The following ADCY2 variants were observed in gnomAD, a reference collection of about 807,000 sequenced individuals.
ADCY2 encodes the protein adenylate cyclase type 2.
ADCY2 carries 31 observed loss-of-function variants against 125.2 expected under a neutral mutation model. That is an observed-to-expected ratio of 0.25 (90% confidence interval 0.19 to 0.33). The LOEUF (loss-of-function observed/expected upper bound fraction) is 0.33. Ranked by LOEUF, ADCY2 falls within the 10% of genes least tolerant of loss-of-function variation. The probability of loss-of-function intolerance (pLI) is 1.00; values close to 1 mark genes in which losing one functional copy is unlikely to be tolerated. For missense variants in ADCY2, 904 were observed against 1,418.2 expected (o/e 0.64, Z 5.82); for synonymous variants, 512 against 548.4 (o/e 0.93, Z 0.93).
chr5:7,703,772 G>T (rs1741168067), intron 7 of ADCY2, among the ~76,000 whole-genome samples: 1 of 152,064 alleles, frequency 6.6e-6, no homozygotes, highest in Non-Finnish European at 1.5e-5. Context: ...AAAGTCATTG[G>T]TCGCTTGATG....
At chr5:7,422,055 T>C (rs1231987788) in intron 2 of ADCY2, among the ~76,000 whole-genome samples, 1 of 152,222 alleles carries the variant, frequency 6.6e-6, no homozygotes, top group Non-Finnish European at 1.5e-5. Flanking sequence ...TGGAAGTGTT[T>C]CTTGTTGGTT....
chr5:7,453,865 G>T (rs945452554), intron 2 of ADCY2, among the ~76,000 whole-genome samples: 17 of 152,102 alleles, frequency 1.1e-4, no homozygotes, highest in Admixed American at 3.3e-4. Context: ...TCAGCTGAAT[G>T]TTCCTAGGAG....
chr5:7,614,281 G>A (rs1737676087), intron 3 of ADCY2, among the ~76,000 whole-genome samples: 1 of 152,098 alleles, frequency 6.6e-6, no homozygotes, highest in African/African-American at 2.4e-5. Flanking sequence ...CTACGACTAA[G>A]AACCTCCATC....
intron 22 of ADCY2, among the ~76,000 whole-genome samples, chr5:7,811,941 C>G (rs1744955337): frequency 6.6e-6 from 1 of 152,222 alleles, no homozygotes; most frequent in Admixed American, 6.5e-5. Flanking sequence ...TCTCTACTGA[C>G]TGAGCCAAGT....
intron 2 of ADCY2, among the ~76,000 whole-genome samples, chr5:7,467,084 C>T (rs1306855909): frequency 3.9e-5 from 6 of 152,184 alleles, no homozygotes; most frequent in Non-Finnish European, 5.9e-5. Flanking sequence ...AGTGGACAAG[C>T]ACCTGCCCTT....
intron 1 of ADCY2, among the ~76,000 whole-genome samples, chr5:7,412,139 G>A (rs935600593): frequency 6.6e-5 from 10 of 151,582 alleles, no homozygotes; most frequent in Non-Finnish European, 1.3e-4. Context: ...CTGCTTCCTG[G>A]AAGGACTATA....
At chr5:7,416,881 G>T (rs1306214006) in intron 2 of ADCY2, among the ~76,000 whole-genome samples, 1 of 152,118 alleles carries the variant, frequency 6.6e-6, no homozygotes, top group Non-Finnish European at 1.5e-5. Context: ...TAAAGTTACA[G>T]GTTTCTAGGA....
intron 4 of ADCY2, among the ~76,000 whole-genome samples, chr5:7,639,094 T>A (rs773011591): frequency 3.3e-5 from 5 of 152,192 alleles, no homozygotes; most frequent in Non-Finnish European, 5.9e-5. Flanking sequence ...CTCTTTCTTT[T>A]GTGAATTGCC....
intron 2 of ADCY2, among the ~76,000 whole-genome samples, chr5:7,465,148 T>A (rs545606930): frequency 2.0e-5 from 3 of 152,280 alleles, no homozygotes; most frequent in Non-Finnish European, 2.9e-5. Context: ...CACGTGGGAA[T>A]TATGGGAGCT....
At chr5:7,716,124 A>G (rs1180454895) in intron 11 of ADCY2, among the ~76,000 whole-genome samples, 4 of 152,192 alleles carry the variant, frequency 2.6e-5, no homozygotes, top group Non-Finnish European at 5.9e-5. Context: ...ATTTGGCACA[A>G]TTTATTCAGC....
chr5:7,592,035 C>T (rs1254101028), intron 3 of ADCY2, among the ~76,000 whole-genome samples: 3 of 152,256 alleles, frequency 2.0e-5, no homozygotes, highest in East Asian at 1.9e-4. Context: ...GTATATTTAT[C>T]CAAGCTTGCC....
intron 2 of ADCY2, among the ~76,000 whole-genome samples, chr5:7,434,864 G>A (rs1426925430): frequency 6.6e-6 from 1 of 152,322 alleles, no homozygotes; most frequent in East Asian, 1.9e-4. Flanking sequence ...TGGGAGGCCT[G>A]CATGGGTCCA....
chr5:7,732,231 C>T (rs1054614927), intron 14 of ADCY2, among the ~76,000 whole-genome samples: 7 of 152,166 alleles, frequency 4.6e-5, no homozygotes, highest in African/African-American at 1.7e-4. Context: ...GATTGGTGAT[C>T]CCAATTTTCA....
At chr5:7,741,491 T>C (rs2126427367) in intron 14 of ADCY2, among the ~76,000 whole-genome samples, 1 of 143,402 alleles carries the variant, frequency 7.0e-6, no homozygotes, top group South Asian at 2.3e-4. Context: ...GATTTTAGGA[T>C]GTAGCATCAC....
intron 13 of ADCY2, among the ~76,000 whole-genome samples, chr5:7,726,323 T>C (rs1435356900): frequency 6.6e-6 from 1 of 152,198 alleles, no homozygotes; most frequent in East Asian, 1.9e-4. Context: ...ATCTCACTGA[T>C]TGTAGTCAAT....
At chr5:7,817,022 G>A (rs373268065) in intron 23 of ADCY2, 42 bp downstream of exon 23, 1 of 1,487,214 alleles carries the variant, frequency 6.7e-7, no homozygotes, top group African/African-American at 1.4e-5. Flanking sequence ...TTGTGGCAAA[G>A]ATGTGGAATA....
intron 2 of ADCY2, among the ~76,000 whole-genome samples, chr5:7,439,985 G>T (rs1168326077): frequency 6.6e-6 from 1 of 152,182 alleles, no homozygotes; most frequent in East Asian, 1.9e-4. Flanking sequence ...TTGTTCCAAA[G>T]CTGTGGAATA....
intron 2 of ADCY2, among the ~76,000 whole-genome samples, chr5:7,417,071 G>C (rs1164947671): frequency 6.6e-6 from 1 of 152,066 alleles, no homozygotes; most frequent in South Asian, 2.1e-4. Flanking sequence ...TTAATGAAAG[G>C]GTCGTGTATA....
In ADCY2 at chr5:7,396,197, C is replaced by T. The variant is rs1166173109; in HGVS notation, c.-100C>T. ...GCGCGCAGCTCCGGGTGCCGGCAGC[C>T]GGGCCGGCCGAGGCGGCGCGGGGGT... On this transcript the variant is annotated 5_prime_UTR_variant, in exon 1 of 25. Coordinates refer to ENST00000338316, the MANE Select transcript of ADCY2 (RefSeq NM_020546.3). The surrounding 1 kb of genome is among the most constrained non-coding windows in gnomAD (Gnocchi z 5.7). The T allele has an allele frequency of 3.2e-6, 2 of 631,070 alleles. No homozygotes were observed. The highest frequency in any genetic ancestry group is 3.9e-6 in the Non-Finnish European group (2 of 513,350). The allele number at this position is 631,070 out of a possible 1,614,324, so 39.1% of individuals were successfully genotyped here. A position where few individuals can be genotyped will look rare whatever the true frequency, so the allele number is the denominator to read the frequency against.
Sources: gnomAD v4.1 joint callset for allele counts (sites outside exome capture counted in the v4.1 genomes callset) on GRCh38, gnomAD v4.1.1 for gene constraint, Gnocchi (gnomAD v3.1) non-coding constraint, MANE v1.5 for transcripts, NCBI Gene and HGNC (gene_info 2026-07-23, HGNC 2026-07-21) for gene names.